Variants in ARSK observed in about 807,000 individuals in gnomAD.
The protein encoded by ARSK is arylsulfatase family member K.
ARSK carries 37 observed loss-of-function variants against 53.2 expected under a neutral mutation model. That is an observed-to-expected ratio of 0.70 (90% CI 0.54 to 0.92). The LOEUF (loss-of-function observed/expected upper bound fraction) is 0.92, where lower values mean the gene tolerates loss of function less well. Among genes scored for constraint, ARSK ranks in the 40% least tolerant of loss-of-function variants. The probability of loss-of-function intolerance (pLI) is 0.00; values close to 1 mark genes in which losing one functional copy is unlikely to be tolerated. For missense variants in ARSK, 613 were observed against 643.0 expected, an observed-to-expected ratio of 0.95 and a Z score of 0.51; for synonymous variants, 208 against 223.2, an observed-to-expected ratio of 0.93 and a Z score of 0.61.
At chr5:95,588,165 TC>T (rs1749153201) in intron 5 of ARSK, among the ~76,000 whole-genome samples, 1 of 152,086 alleles carries the variant, frequency 6.6e-6, no homozygotes, top group East Asian at 1.9e-4. Context: ...TCTTGATGTC[TC>T]TTCAGAGAAG....
At position 95,560,205 on chromosome 5, in the gene ARSK, T is replaced by C. The variant is rs1380405457; in HGVS notation, c.126+4801T>C. 4.6e-5 allele frequency among the ~76,000 whole-genome samples: 7 copies of C among 152,038 alleles called. No individual in the cohort carries two copies. The East Asian group carries it at 1.3e-3, about 29-fold the overall frequency. On this transcript the variant is annotated intron_variant, in intron 1 of 7. Transcript: ENST00000380009. ...GAACATTTAAATAAATGAACAGACA[T>C]CCCCTTTTCATGGATCAGAAGATTT...
At chr5:95,563,195 C>T (rs751283699) in intron 1 of ARSK, among the ~76,000 whole-genome samples, 4 of 152,052 alleles carry the variant, frequency 2.6e-5, no homozygotes, top group Non-Finnish European at 5.9e-5. Flanking sequence ...TTTTGGTCTT[C>T]GTTTAGAGTA....
At chr5:95,587,949 C>G (rs985522672) in intron 5 of ARSK, among the ~76,000 whole-genome samples, 4 of 151,488 alleles carry the variant, frequency 2.6e-5, no homozygotes, top group Non-Finnish European at 5.9e-5. Context: ...TAAGGACTTT[C>G]CAAGTACTCA....
intron 6 of ARSK, among the ~76,000 whole-genome samples, chr5:95,593,218 C>T (rs1294837572): frequency 6.6e-6 from 1 of 152,088 alleles, no homozygotes; most frequent in Non-Finnish European, 1.5e-5. Flanking sequence ...TTTTTAGCCT[C>T]ATTCTGTTTT....
rs1390297129 is a variant in ARSK at position 95,603,434 on chromosome 5, A to C, written c.1519A>C (p.Arg507=). 2 of 1,613,684 alleles carry C rather than the reference A, an allele frequency of 1.2e-6. No homozygotes were observed. Among genetic ancestry groups the C allele is most frequent in the Admixed American group, 3.3e-5 (2 of 59,988 alleles). ...TTATTCAAACGTTATAGCAAATCTT[A>C]GGTGGCACCAAGACTGGCAGAAGGA... ...QNYSNVIANL[R]WHQDWQKEPR... is the part of the protein sequence containing the mutation. The change falls in exon 8 of 8, where the codon AGG becomes CGG. Residue 507 remains arginine (R), a synonymous_variant. Coordinates refer to ENST00000380009, the MANE Select transcript of ARSK (RefSeq NM_198150.3).
chr5:95,594,867 AG>A (rs1371537442), intron 6 of ARSK, among the ~76,000 whole-genome samples: 3 of 151,958 alleles, frequency 2.0e-5, no homozygotes, highest in Non-Finnish European at 4.4e-5. Flanking sequence ...AGAAAGAAAT[AG>A]TCCTTCTCAT....
chr5:95,555,131 G>C lies in ARSK; in HGVS notation c.-148G>C, dbSNP rs1272022388. Reference sequence around the variant, plus strand: ...CGCTCTCCGCCTGATAGGAGTTGTAGTTCTGCGGGTGAAGCTCGGCGTTAC... The same window carrying C: ...CGCTCTCCGCCTGATAGGAGTTGTACTTCTGCGGGTGAAGCTCGGCGTTAC... On this transcript the variant is annotated 5_prime_UTR_variant, in exon 1 of 8. Coordinates refer to ENST00000380009, the MANE Select transcript of ARSK (RefSeq NM_198150.3). The surrounding 1 kb of genome is among the most constrained non-coding windows in gnomAD (Gnocchi z 4.0). 1.6e-6 allele frequency: 1 copy of C among 631,038 alleles called. No homozygotes were observed. The highest frequency in any genetic ancestry group is 2.6e-6 in the Non-Finnish European group (1 of 382,770). 39.1% of individuals were successfully genotyped at this position (631,038 alleles called of 1,614,324 possible).
chr5:95,600,043 A>G (rs1290646951), intron 6 of ARSK, among the ~76,000 whole-genome samples: 1 of 152,248 alleles, frequency 6.6e-6, no homozygotes, highest in Admixed American at 6.5e-5. Flanking sequence ...GGAAGAGGGA[A>G]GTTTAAGGTC....
At chr5:95,589,237 T>G (rs1291023122) in intron 5 of ARSK, among the ~76,000 whole-genome samples, 1 of 152,232 alleles carries the variant, frequency 6.6e-6, no homozygotes, top group African/African-American at 2.4e-5. Flanking sequence ...ACCATCTGTT[T>G]CCCTAGAAGA....
Position 95,582,930 on chromosome 5 carries a change from CG to C in ARSK, c.432del (p.Trp145GlyfsTer28), listed in dbSNP as rs769301982. On this transcript the variant is annotated frameshift_variant, in exon 4 of 8. Coordinates refer to ENST00000380009, the MANE Select transcript of ARSK (RefSeq NM_198150.3). LOFTEE classifies it high-confidence loss of function. ...TGCCCCCTCAGTAATCGTGTGGAAG[CG>C]TGGACAAGAGATGTTGCTTTCTTAC... ...GHHSISNRVE[A>X]WTRDVAFLLR... is the part of the protein sequence containing the mutation. 2.7e-5 allele frequency: 43 copies of C among 1,605,348 alleles called. No homozygotes were observed. The highest frequency in any genetic ancestry group is 3.5e-5 in the Non-Finnish European group (41 of 1,174,172).
intron 3 of ARSK, among the ~76,000 whole-genome samples, chr5:95,576,319 C>T (rs140839344): frequency 0.011 from 1,625 of 151,244 alleles, 20 homozygotes; most frequent in South Asian, 0.035. Context: ...CTACCTTAGC[C>T]TCCTGAGTAG....
intron 3 of ARSK, among the ~76,000 whole-genome samples, chr5:95,574,551 A>G (rs906193378): frequency 5.9e-5 from 9 of 152,134 alleles, no homozygotes; most frequent in Non-Finnish European, 8.8e-5. Flanking sequence ...AGCTGAGACG[A>G]TATCTCATTA....
At chr5:95,562,026 C>T (rs1198952130) in intron 1 of ARSK, among the ~76,000 whole-genome samples, 1 of 152,070 alleles carries the variant, frequency 6.6e-6, no homozygotes, top group African/African-American at 2.4e-5. Flanking sequence ...ACCAGCCTGG[C>T]CAACATGGTG....
At chr5:95,592,622 C>T (rs1749239167) in intron 6 of ARSK, among the ~76,000 whole-genome samples, 1 of 152,102 alleles carries the variant, frequency 6.6e-6, no homozygotes, top group Admixed American at 6.5e-5. Flanking sequence ...GATTTCGGCT[C>T]CCTGCAACCT....
chr5:95,576,380 G>A (rs1016743428), intron 3 of ARSK, among the ~76,000 whole-genome samples: 1 of 151,286 alleles, frequency 6.6e-6, no homozygotes, highest in African/African-American at 2.4e-5. Flanking sequence ...TTGTATTTTA[G>A]TAGAGATGGG....
Position 95,601,053 on chromosome 5 carries a change from A to G in ARSK, c.1303A>G (p.Ile435Val), listed in dbSNP as rs1390926057. 1.2e-6 allele frequency: 2 copies of G among 1,613,410 alleles called. No individual in the cohort carries two copies. The highest frequency in any genetic ancestry group is 8.5e-7 in the Non-Finnish European group (1 of 1,179,436). The change falls in exon 7 of 8, where the codon ATA becomes GTA. Residue 435 changes from isoleucine (I) to valine (V), a missense_variant. Coordinates refer to ENST00000380009, the MANE Select transcript of ARSK (RefSeq NM_198150.3). Reference protein sequence around the residue: ...KYIAYSDGASILPQLFDLSSD... With the variant: ...KYIAYSDGASVLPQLFDLSSD... The stretch of plus-strand genomic sequence containing the variant: ...TATAGCCTATTCGGATGGTGCATCA[A>G]TATTGCCTCAACTCTTTGGTAAGTT...
At chr5:95,561,562 A>T (rs762258105) in intron 1 of ARSK, among the ~76,000 whole-genome samples, 33 of 152,382 alleles carry the variant, frequency 2.2e-4, no homozygotes, top group Non-Finnish European at 4.0e-4. Flanking sequence ...TGGTAATATT[A>T]TTCAACAATA....
At chr5:95,588,835 G>A (rs1187238425) in intron 5 of ARSK, among the ~76,000 whole-genome samples, 7 of 152,092 alleles carry the variant, frequency 4.6e-5, no homozygotes, top group South Asian at 4.2e-4. Flanking sequence ...GGCAGTGTGC[G>A]CCTGTAGTCC....
At chr5:95,570,190 A>G (rs928299139) in intron 3 of ARSK, among the ~76,000 whole-genome samples, 1 of 152,246 alleles carries the variant, frequency 6.6e-6, no homozygotes. Context: ...TTAAAATCCC[A>G]AATCCACAAC....
Sources: allele counts gnomAD v4.1 joint callset (sites outside exome capture counted in the v4.1 genomes callset), GRCh38; gene constraint gnomAD v4.1.1; non-coding constraint Gnocchi (gnomAD v3.1); transcripts MANE v1.5; gene names NCBI Gene and HGNC (gene_info 2026-07-23, HGNC 2026-07-21).